AFF3: variants seen among roughly 807,000 people sequenced by gnomAD.
The protein encoded by AFF3 is ALF transcription elongation factor 3.
A neutral mutation model predicts 129.7 loss-of-function variants in AFF3; 32 were observed. The observed-to-expected ratio is 0.25, with a 90% CI of 0.19 to 0.33. The LOEUF (loss-of-function observed/expected upper bound fraction) is 0.33, where lower values mean the gene tolerates loss of function less well. Among genes scored for constraint, AFF3 ranks in the 10% least tolerant of loss-of-function variants. The pLI is 1.00. For synonymous variants in AFF3, 644 were observed against 635.4 expected (o/e 1.01, Z -0.20); for missense variants, 1,373 against 1,592.0 (o/e 0.86, Z 2.34).
intron 4 of AFF3, among the ~76,000 whole-genome samples, chr2:100,080,179 T>C (rs1387559928): frequency 6.6e-6 from 1 of 152,220 alleles, no homozygotes; most frequent in African/African-American, 2.4e-5. Context: ...TCAGGTCGGA[T>C]GTCAAATTCA....
At chr2:100,007,053 G>T in intron 6 of AFF3, 36 bp from the exon 7 acceptor site, 2 of 1,591,620 alleles carry the variant, frequency 1.3e-6, no homozygotes, top group Non-Finnish European at 1.7e-6. Context: ...AGATAAGGAT[G>T]AGGGGGGTCG....
At chr2:99,762,921 C>A (rs1025102499) in intron 8 of AFF3, among the ~76,000 whole-genome samples, 13 of 152,222 alleles carry the variant, frequency 8.5e-5, no homozygotes, top group African/African-American at 3.1e-4. Flanking sequence ...CTTTTCAGTT[C>A]TTCTCACACG....
intron 8 of AFF3, among the ~76,000 whole-genome samples, chr2:99,781,267 G>A (rs576796872): frequency 1.1e-4 from 16 of 152,232 alleles, no homozygotes; most frequent in South Asian, 1.0e-3. Context: ...GGGCTTCCCC[G>A]TCTGCCCTAT....
chr2:100,001,323 G>A (rs953377118), intron 7 of AFF3, among the ~76,000 whole-genome samples: 5 of 152,194 alleles, frequency 3.3e-5, no homozygotes, highest in African/African-American at 1.2e-4. Flanking sequence ...TCACACACAC[G>A]ATACATTTTA....
intron 11 of AFF3, among the ~76,000 whole-genome samples, chr2:99,680,230 C>CA (rs1674398238): frequency 6.6e-6 from 1 of 152,080 alleles, no homozygotes; most frequent in Non-Finnish European, 1.5e-5. Flanking sequence ...TCATTTCTAT[C>CA]AAAAAACTGA....
At chr2:99,855,277 T>C (rs1690443345) in intron 7 of AFF3, among the ~76,000 whole-genome samples, 1 of 152,172 alleles carries the variant, frequency 6.6e-6, no homozygotes, top group African/African-American at 2.4e-5. Flanking sequence ...CAGTAAAAAC[T>C]GAATTGTACA....
chr2:99,571,573 G>GT (rs1676480558), intron 18 of AFF3, among the ~76,000 whole-genome samples: 1 of 152,156 alleles, frequency 6.6e-6, no homozygotes, highest in Non-Finnish European at 1.5e-5. Flanking sequence ...TTTTCTGACC[G>GT]TATCAGAGCA....
chr2:99,997,167 C>T (rs1680920489), intron 7 of AFF3, among the ~76,000 whole-genome samples: 1 of 152,174 alleles, frequency 6.6e-6, no homozygotes, highest in South Asian at 2.1e-4. Context: ...AGCCCAGATA[C>T]AGATTTCGTT....
intron 1 of AFF3, among the ~76,000 whole-genome samples, chr2:100,142,210 CCACA>C (rs374673903): frequency 2.7e-5 from 4 of 150,218 alleles, no homozygotes; most frequent in South Asian, 2.1e-4. Flanking sequence ...GCACCCTCTA[CCACA>C]CACACACACA....
intron 7 of AFF3, among the ~76,000 whole-genome samples, chr2:99,882,998 A>G (rs1215514009): frequency 6.6e-6 from 1 of 152,242 alleles, no homozygotes; most frequent in Admixed American, 6.5e-5. Flanking sequence ...CTGCACAGAT[A>G]TTTAACTCTG....
intron 8 of AFF3, among the ~76,000 whole-genome samples, chr2:99,800,643 T>C (rs1450941557): frequency 2.6e-5 from 4 of 152,236 alleles, no homozygotes; most frequent in African/African-American, 9.6e-5. Flanking sequence ...ATAGCTTTTA[T>C]GTATAACTGC....
rs200399150 is a variant in AFF3 at position 100,005,747 on chromosome 2, ATC to A, written c.873+883_873+884del. On this transcript the variant is annotated intron_variant, in intron 7 of 24. Coordinates refer to ENST00000672756, the MANE Select transcript of AFF3 (RefSeq NM_001386135.1). ...TTGATATCCCTATCAGTCCGTGGTG[ATC>A]TCTGAGATGATAGTTCAGAAATGTT... Among the ~76,000 whole-genome samples the A allele has an allele frequency of 5.6e-3, 851 of 152,336 alleles. 33 individuals are homozygous for A. The highest frequency in any genetic ancestry group is 0.051 in the Admixed American group (781 of 15,300).
intron 24 of AFF3, among the ~76,000 whole-genome samples, chr2:99,554,036 T>A (rs148519176): frequency 6.7e-6 from 1 of 149,646 alleles, no homozygotes; most frequent in Non-Finnish European, 1.5e-5. Flanking sequence ...TGGAAAAAAA[T>A]TGGAAGGAAC....
chr2:100,073,009 T>G (rs1688316589), intron 4 of AFF3, among the ~76,000 whole-genome samples: 3 of 152,122 alleles, frequency 2.0e-5, no homozygotes, highest in Admixed American at 2.0e-4. Flanking sequence ...GAGAACAAGA[T>G]AAAGGCCAAC....
intron 18 of AFF3, among the ~76,000 whole-genome samples, chr2:99,573,813 T>A (rs1049552556): frequency 2.6e-5 from 4 of 152,176 alleles, no homozygotes; most frequent in Admixed American, 2.6e-4. Context: ...TTTGGCTGAA[T>A]GTGCTGATTG....
chr2:99,692,864 C>T (rs923903520), intron 11 of AFF3, among the ~76,000 whole-genome samples: 2 of 152,224 alleles, frequency 1.3e-5, no homozygotes, highest in African/African-American at 4.8e-5. Flanking sequence ...TAAGCTGTAT[C>T]AGCTTCCTGA....
chr2:99,977,724 G>GGGAAC (rs753093608), intron 7 of AFF3, among the ~76,000 whole-genome samples: 19 of 152,088 alleles, frequency 1.2e-4, no homozygotes, highest in Non-Finnish European at 2.6e-4. Context: ...GACCCAAAAG[G>GGGAAC]GGAACCCTAG....
At chr2:99,830,993 C>T (rs1341168655) in intron 8 of AFF3, among the ~76,000 whole-genome samples, 3 of 152,160 alleles carry the variant, frequency 2.0e-5, no homozygotes, top group Non-Finnish European at 2.9e-5. Context: ...TGGCAAGGCA[C>T]GCTCACACAC....
chr2:99,847,848 A>C (rs1292874265), intron 7 of AFF3, among the ~76,000 whole-genome samples: 1 of 152,134 alleles, frequency 6.6e-6, no homozygotes, highest in Non-Finnish European at 1.5e-5. Context: ...TTCTATCCTC[A>C]TTCTAAAGCC....
Sources: allele counts gnomAD v4.1 joint callset (sites outside exome capture counted in the v4.1 genomes callset), GRCh38; gene constraint gnomAD v4.1.1; transcripts MANE v1.5; gene names NCBI Gene and HGNC (gene_info 2026-07-23, HGNC 2026-07-21).